MEIS2: variants seen among roughly 807,000 people sequenced by gnomAD.
MEIS2 encodes the protein homeobox protein Meis2.
Under a neutral mutation model 58.6 loss-of-function variants are expected in MEIS2, and 9 were observed. The observed-to-expected ratio is 0.15, with a 90% CI of 0.09 to 0.27. The LOEUF (loss-of-function observed/expected upper bound fraction) is 0.27. MEIS2 is among the 10% of genes least tolerant of loss of function. MEIS2 has a pLI of 1.00. For missense variants in MEIS2, 427 were observed against 635.0 expected, an observed-to-expected ratio of 0.67 and a Z score of 3.52; for synonymous variants, 221 against 228.4, an observed-to-expected ratio of 0.97 and a Z score of 0.29.
intron 9 of MEIS2, among the ~76,000 whole-genome samples, chr15:36,907,194 A>G (rs747925475): frequency 1.2e-4 from 19 of 152,348 alleles, no homozygotes; most frequent in South Asian, 6.2e-4. Context: ...CTAATTTAGA[A>G]GAGAATTGAT....
chr15:36,927,542 T>C (rs535393954), intron 9 of MEIS2, among the ~76,000 whole-genome samples: 135 of 152,354 alleles, frequency 8.9e-4, no homozygotes, highest in Non-Finnish European at 1.4e-3. Context: ...GGAGATGTTA[T>C]GTACTGTTTC....
At chr15:36,939,659 A>G (rs902029609) in intron 9 of MEIS2, among the ~76,000 whole-genome samples, 1 of 152,196 alleles carries the variant, frequency 6.6e-6, no homozygotes, top group African/African-American at 2.4e-5. Flanking sequence ...CAGAACAAAT[A>G]CAATTCATTG....
At chr15:36,935,588 G>C (rs1025841336) in intron 9 of MEIS2, among the ~76,000 whole-genome samples, 3 of 152,080 alleles carry the variant, frequency 2.0e-5, no homozygotes, top group African/African-American at 7.2e-5. Flanking sequence ...AAGTTACGTA[G>C]AAAAGAAGCT....
chr15:37,022,490 C>G (rs1214486496), intron 8 of MEIS2, among the ~76,000 whole-genome samples: 10 of 151,942 alleles, frequency 6.6e-5, no homozygotes, highest in Non-Finnish European at 2.9e-5. Flanking sequence ...CTCAAGAGAT[C>G]CTCCCACCTC....
rs1567126001 is a variant in MEIS2, at chr15:36,971,536, T to TAAAAAAA, written c.901-21137_901-21136insTTTTTTT. ...TGTATTACTTGTATGCCTTGTTACA[T>TAAAAAAA]TAAAAAAAAAAAAAAAAAAAAAAAA... On this transcript the variant is annotated intron_variant, in intron 8 of 11. Transcript: ENST00000561208. Among the ~76,000 whole-genome samples, 153 of 65,380 alleles carry TAAAAAAA rather than the reference T, an allele frequency of 2.3e-3. 34 individuals carry two copies. The highest frequency in any genetic ancestry group is 5.0e-3 in the African/African-American group (55 of 11,056). 42.9% of individuals were successfully genotyped at this position (65,380 alleles called of 152,430 possible). A position where few individuals can be genotyped will look rare whatever the true frequency, so the allele number is the denominator to read the frequency against.
In MEIS2 at chr15:36,914,229, G is replaced by T. The variant is rs771920307; in HGVS notation, c.978-17543C>A. ...ACTGGACAAAGGAAGATGGAGAAGC[G>T]TAAGAATCCAAGGAGAACACAGATG... is the stretch of plus-strand genomic sequence containing the variant. On this transcript the variant is annotated intron_variant, in intron 9 of 11. Transcript: ENST00000561208. 2.0e-5 allele frequency among the ~76,000 whole-genome samples: 3 copies of T among 152,182 alleles called. No individual in the cohort carries two copies. The East Asian group carries it at 5.8e-4, about 29-fold the overall frequency.
Position 37,093,746 on chromosome 15 carries a change from T to C in MEIS2, c.490-16A>G, listed in dbSNP as rs1198750427. 1.2e-6 allele frequency: 2 copies of C among 1,613,432 alleles called. No homozygotes were observed. Among genetic ancestry groups the C allele is most frequent in the Admixed American group, 1.7e-5 (1 of 59,976 alleles). On this transcript the variant is annotated splice_polypyrimidine_tract_variant and intron_variant, in intron 5 of 11. Coordinates refer to ENST00000561208, the MANE Select transcript of MEIS2 (RefSeq NM_170675.5). ...GTTCGTGGACCTAGAACGAAGGTCA[T>C]GGTGGAGGGTTTAGCTCATGTTGTT...
intron 7 of MEIS2, among the ~76,000 whole-genome samples, chr15:37,047,963 C>T (rs1162161173): frequency 6.6e-6 from 1 of 152,118 alleles, no homozygotes; most frequent in East Asian, 1.9e-4. Flanking sequence ...ACAAAATGTC[C>T]TTCTGTTGCA....
chr15:36,924,598 G>A (rs1215279103), intron 9 of MEIS2, among the ~76,000 whole-genome samples: 1 of 152,186 alleles, frequency 6.6e-6, no homozygotes, highest in Admixed American at 6.5e-5. Flanking sequence ...GGTTATGAGA[G>A]TTAACTACAT....
rs566970260 is a variant in MEIS2 at position 37,095,932 on chromosome 15, G to A, written c.388-318C>T. On this transcript the variant is annotated intron_variant, in intron 3 of 11. Transcript: ENST00000561208. ...ACTGCTGCCTGGGACCGCTCGGAGA[G>A]GCGCCCAGCTTCCTTGCCTCCCGGG... 9.0e-5 allele frequency: 41 copies of A among 456,494 alleles called. No individual in the cohort carries two copies. The South Asian group carries it at 1.1e-3, about 13-fold the overall frequency. The allele number at this position is 456,494 out of a possible 1,614,324, so 28.3% of individuals were successfully genotyped here. A position where few individuals can be genotyped will look rare whatever the true frequency, so the allele number is the denominator to read the frequency against.
chr15:37,011,024 C>CT (rs1461442758), intron 8 of MEIS2, among the ~76,000 whole-genome samples: 1 of 152,182 alleles, frequency 6.6e-6, no homozygotes, highest in Non-Finnish European at 1.5e-5. Context: ...AAACAATAGT[C>CT]TATTGCTCCT....
intron 9 of MEIS2, among the ~76,000 whole-genome samples, chr15:36,909,457 T>C (rs544436467): frequency 8.0e-4 from 121 of 152,170 alleles, no homozygotes; most frequent in Non-Finnish European, 1.4e-3. Flanking sequence ...GAATTGAGAA[T>C]AAAAGAGCCC....
intron 8 of MEIS2, among the ~76,000 whole-genome samples, chr15:36,951,134 T>G (rs899772165): frequency 1.3e-5 from 2 of 152,156 alleles, no homozygotes; most frequent in Non-Finnish European, 2.9e-5. Flanking sequence ...TTTTGGTGTT[T>G]TCTAATTCTT....
intron 8 of MEIS2, among the ~76,000 whole-genome samples, chr15:36,953,698 A>G (rs1056215794): frequency 2.6e-5 from 4 of 152,214 alleles, no homozygotes; most frequent in Admixed American, 2.0e-4. Flanking sequence ...TCAACTGACA[A>G]CTGTTCAAAA....
intron 8 of MEIS2, among the ~76,000 whole-genome samples, chr15:36,956,163 T>C (rs1595804718): frequency 8.0e-6 from 1 of 124,600 alleles, no homozygotes; most frequent in Non-Finnish European, 1.6e-5. Context: ...CAGTCCAGCC[T>C]GGGCGACAGA....
At chr15:36,942,557 G>A (rs1418679461) in intron 9 of MEIS2, among the ~76,000 whole-genome samples, 2 of 152,036 alleles carry the variant, frequency 1.3e-5, no homozygotes, top group Non-Finnish European at 2.9e-5. Context: ...AGGTTAATAG[G>A]ACCTACATTT....
At chr15:37,057,916 T>C (rs1259430896) in intron 7 of MEIS2, among the ~76,000 whole-genome samples, 2 of 152,122 alleles carry the variant, frequency 1.3e-5, no homozygotes, top group Non-Finnish European at 2.9e-5. Flanking sequence ...AGTGTAACCA[T>C]ATATAAATGG....
intron 5 of MEIS2, 94 bp from the exon 6 acceptor site, chr15:37,093,824 T>G: frequency 6.5e-7 from 1 of 1,533,676 alleles, no homozygotes; most frequent in Non-Finnish European, 8.9e-7. Flanking sequence ...GGTTGCAAGG[T>G]TACATTTGCA....
intron 9 of MEIS2, among the ~76,000 whole-genome samples, chr15:36,907,396 C>T (rs77892867): frequency 0.014 from 2,161 of 152,310 alleles, 25 homozygotes; most frequent in East Asian, 0.08. Context: ...CACCCCAACA[C>T]ACCGGCAATC....
Sources: gnomAD v4.1 joint callset for allele counts (sites outside exome capture counted in the v4.1 genomes callset) on GRCh38, gnomAD v4.1.1 for gene constraint, MANE v1.5 for transcripts, NCBI Gene and HGNC (gene_info 2026-07-23, HGNC 2026-07-21) for gene names.